Variants in HSPG2 observed in about 807,000 individuals in gnomAD.
HSPG2 encodes basement membrane-specific heparan sulfate proteoglycan core protein.
Under a neutral mutation model 526.6 loss-of-function variants are expected in HSPG2, and 278 were observed. That is an observed-to-expected ratio of 0.53 (90% CI 0.48 to 0.58). The LOEUF (loss-of-function observed/expected upper bound fraction) is 0.58, where lower values mean the gene tolerates loss of function less well. Among genes scored for constraint, HSPG2 ranks in the 20% least tolerant of loss-of-function variants. The pLI is 0.00. For missense variants in HSPG2, 5,354 were observed against 6,099.5 expected (o/e 0.88, Z 4.07); for synonymous variants, 2,465 against 2,555.4 (o/e 0.96, Z 1.07).
Position 21,885,078 on chromosome 1 carries a change from G to A in HSPG2, c.1290C>T (p.Ala430=), listed in dbSNP as rs762951032. The change falls in exon 11 of 97, where the codon GCC becomes GCT. Residue 430 remains alanine (A), a synonymous_variant. Coordinates refer to ENST00000374695, the MANE Select transcript of HSPG2 (RefSeq NM_005529.7). ...RGQTVTFTCV[A]IGVPTPIINW... is the part of the protein sequence containing the mutation. ...TGATGATGGGGGTGGGGACGCCAAT[G>A]GCCACGCAGGTGAAGGTCACTGTCT... 1.9e-6 allele frequency: 3 copies of A among 1,613,800 alleles called. No homozygotes were observed. Among genetic ancestry groups the A allele is most frequent in the Non-Finnish European group, 2.5e-6 (3 of 1,179,976 alleles).
chr1:21,847,788 C>T lies in HSPG2; in HGVS notation c.7926G>A (p.Val2642=). 1 of 1,613,766 alleles carries T rather than the reference C, an allele frequency of 6.2e-7. No homozygotes were observed. Among genetic ancestry groups the T allele is most frequent in the Non-Finnish European group, 8.5e-7 (1 of 1,179,976 alleles). The change falls in exon 61 of 97, where the codon GTG becomes GTA. Residue 2642 remains valine (V), a synonymous_variant. Transcript: ENST00000374695. The surrounding 1 kb of genome is among the most constrained non-coding windows in gnomAD (Gnocchi z 4.1). ...IRIESSSPTV[V]EGQTLDLNCV... The stretch of plus-strand genomic sequence containing the variant: ...AGTTCAGATCCAAGGTCTGCCCTTC[C>T]ACCACCGTGGGGGAAGACGACTCGA...
At chr1:21,894,304 C>A (rs1248677012) in intron 3 of HSPG2, among the ~76,000 whole-genome samples, 1 of 152,012 alleles carries the variant, frequency 6.6e-6, no homozygotes, top group Non-Finnish European at 1.5e-5. Context: ...AGAGGCTAGG[C>A]ATGGCCCCAT....
intron 6 of HSPG2, among the ~76,000 whole-genome samples, chr1:21,889,530 G>GTCTAGAAGGAAGGAGCAGAACTCGGGTCT (rs1642193452): frequency 6.6e-6 from 1 of 152,100 alleles, no homozygotes; most frequent in African/African-American, 2.4e-5. Flanking sequence ...TCTGATTCTG[G>GTCTAGAAGGAAGGAGCAGAACTCGGGTCT]ACAAATTTAG....
intron 53 of HSPG2, 21 bp downstream of exon 53, chr1:21,852,067 C>T (rs769449991): frequency 6.2e-7 from 1 of 1,612,174 alleles, no homozygotes; most frequent in Middle Eastern, 1.8e-4. Flanking sequence ...GGCCCCGTCC[C>T]ACATTCTTGG....
intron 86 of HSPG2, 29 bp downstream of exon 86, chr1:21,829,964 C>G: frequency 6.4e-7 from 1 of 1,568,292 alleles, no homozygotes; most frequent in Non-Finnish European, 8.7e-7. Context: ...CACTAGGACC[C>G]TGGGGGTCTC....
At chr1:21,846,073 C>T in intron 64 of HSPG2, 35 bp downstream of exon 64, 1 of 1,610,690 alleles carries the variant, frequency 6.2e-7, no homozygotes, top group Non-Finnish European at 8.5e-7. Context: ...TTCCTCCCTC[C>T]CCCGGCCTTC....
rs755544976 is a variant in HSPG2 at position 21,896,000 on chromosome 1, C to A, written c.200-34G>T. On this transcript the variant is annotated intron_variant, in intron 2 of 96. Coordinates refer to ENST00000374695, the MANE Select transcript of HSPG2 (RefSeq NM_005529.7). This position sits in a 1 kb window ranked among gnomAD's most constrained non-coding sequence, Gnocchi z 4.1. Reference sequence around the variant, plus strand: ...AAAAAAGAGATGTAATCAGCAACAACAAGTATTTGTTGAGTACCTACTGGG... The same window carrying A: ...AAAAAAGAGATGTAATCAGCAACAAAAAGTATTTGTTGAGTACCTACTGGG... 3 of 1,612,162 alleles carry A rather than the reference C, an allele frequency of 1.9e-6. No homozygotes were observed. The highest frequency in any genetic ancestry group is 1.7e-6 in the Non-Finnish European group (2 of 1,178,338).
chr1:21,926,269 A>G (rs1394624631), intron 1 of HSPG2, among the ~76,000 whole-genome samples: 1 of 152,130 alleles, frequency 6.6e-6, no homozygotes, highest in Non-Finnish European at 1.5e-5. Context: ...TGGCAGTTTT[A>G]ATGAGAAGGT....
intron 67 of HSPG2, 60 bp downstream of exon 67, chr1:21,842,710 A>C: frequency 1.2e-6 from 2 of 1,607,122 alleles, no homozygotes; most frequent in Non-Finnish European, 1.7e-6. Flanking sequence ...TTGGGTACAG[A>C]AAGCAACTGC....
intron 64 of HSPG2, among the ~76,000 whole-genome samples, 187 bp from the exon 65 acceptor site, chr1:21,844,486 G>A (rs938481794): frequency 3.9e-4 from 60 of 152,130 alleles, no homozygotes; most frequent in African/African-American, 1.4e-3. Context: ...CCCCAGCCCC[G>A]CCCCCAGGCA....
chr1:21,893,899 G>A lies in HSPG2; in HGVS notation c.244+2023C>T, dbSNP rs1166441699. ...GAAAAAAAAAAAAGAACAGGCAGAGGGGAGAGAGGGAAAGACAGAGGGCGA... is the reference window on the plus strand; with the variant it reads ...GAAAAAAAAAAAAGAACAGGCAGAGAGGAGAGAGGGAAAGACAGAGGGCGA... On this transcript the variant is annotated intron_variant, in intron 3 of 96. Transcript: ENST00000374695. The surrounding 1 kb of genome is among the most constrained non-coding windows in gnomAD (Gnocchi z 4.3). 6.6e-6 allele frequency among the ~76,000 whole-genome samples: 1 copy of A among 151,912 alleles called. No homozygotes were observed. The highest frequency in any genetic ancestry group is 2.4e-5 in the African/African-American group (1 of 41,396).
chr1:21,859,719 T>A lies in HSPG2; in HGVS notation c.5183-43A>T. On this transcript the variant is annotated intron_variant, in intron 41 of 96. Coordinates refer to ENST00000374695, the MANE Select transcript of HSPG2 (RefSeq NM_005529.7). This position sits in a 1 kb window ranked among gnomAD's most constrained non-coding sequence, Gnocchi z 5.3. ...AGAGCTTGTTGGTGCAGATACACTC[T>A]TTCTCACATCCAGCCCCATGCACAA... 2 of 1,584,350 alleles carry A rather than the reference T, an allele frequency of 1.3e-6. No homozygotes were observed. The highest frequency in any genetic ancestry group is 1.7e-6 in the Non-Finnish European group (2 of 1,163,518).
intron 1 of HSPG2, chr1:21,908,032 G>A (rs2152784726): frequency 1.4e-6 from 1 of 711,586 alleles, no homozygotes; most frequent in Non-Finnish European, 2.6e-6. Flanking sequence ...CACAGCACAT[G>A]GTGAATGTTC....
At position 21,861,783 on chromosome 1, in the gene HSPG2, G is replaced by A. The variant is rs560934896; in HGVS notation, c.4929C>T (p.Pro1643=). Residue 1643 remains proline (P), a synonymous_variant, in exon 39 of 97, where the codon CCC becomes CCT. Transcript: ENST00000374695. ...AGGYRCTACE[P]GYTGQYCEQC... ...GCTCACAGTACTGGCCAGTGTAGCC[G>A]GGTTCGCAGGCCGTGCAGCGGTACC... The A allele has an allele frequency of 2.2e-5, 36 of 1,613,910 alleles. No homozygotes were observed. Among genetic ancestry groups the A allele is most frequent in the South Asian group, 4.4e-5 (4 of 91,074 alleles).
chr1:21,931,072 A>G (rs1171627151), intron 1 of HSPG2, among the ~76,000 whole-genome samples: 1 of 152,140 alleles, frequency 6.6e-6, no homozygotes, highest in African/African-American at 2.4e-5. Context: ...CCTGGCACAG[A>G]TGAGCATCAT....
At chr1:21,935,940 G>A (rs1346846829) in intron 1 of HSPG2, among the ~76,000 whole-genome samples, 9 of 152,112 alleles carry the variant, frequency 5.9e-5, no homozygotes, top group Admixed American at 5.2e-4. Context: ...GAGCAGTGAG[G>A]AGCCAGGTCT....
rs761025182 is a variant in HSPG2, at chr1:21,833,629, G to C, written c.10831-15C>G. ...CTGCCATCCAGCTGCAAATGCACTA[G>C]CACTGAGGGCCCTGGCCTTGGCCCA... On this transcript the variant is annotated splice_polypyrimidine_tract_variant and intron_variant, in intron 78 of 96. Transcript: ENST00000374695. The C allele has an allele frequency of 1.2e-5, 20 of 1,613,914 alleles. No individual in the cohort carries two copies. Among genetic ancestry groups the C allele is most frequent in the Middle Eastern group, 3.3e-4 (2 of 5,988 alleles).
chr1:21,905,597 C>T (rs754650357), intron 1 of HSPG2, among the ~76,000 whole-genome samples: 2 of 152,172 alleles, frequency 1.3e-5, no homozygotes, highest in Admixed American at 6.5e-5. Flanking sequence ...CAAAACTTAG[C>T]CTGGTGTGGT....
In HSPG2 at chr1:21,898,331, A is replaced by G. The variant is rs139758561; in HGVS notation, c.64-2021T>C. 4.4e-4 allele frequency among the ~76,000 whole-genome samples: 67 copies of G among 152,254 alleles called. No individual in the cohort carries two copies. The East Asian group carries it at 0.011, about 25-fold the overall frequency. ...CTTTGGCCTAAAGCCCTTACCCCCA[A>G]CAATCCAGCGGCAAATGTTGCCTCC... is the stretch of plus-strand genomic sequence containing the variant. On this transcript the variant is annotated intron_variant, in intron 1 of 96. Transcript: ENST00000374695. This position sits in a 1 kb window ranked among gnomAD's most constrained non-coding sequence, Gnocchi z 4.0.
Sources: gnomAD v4.1 joint callset for allele counts (sites outside exome capture counted in the v4.1 genomes callset) on GRCh38, gnomAD v4.1.1 for gene constraint, Gnocchi (gnomAD v3.1) non-coding constraint, MANE v1.5 for transcripts, NCBI Gene and HGNC (gene_info 2026-07-23, HGNC 2026-07-21) for gene names.